TMEM208: variants seen among roughly 807,000 people sequenced by gnomAD.
TMEM208 encodes transmembrane protein 208.
In TMEM208, 19 loss-of-function variants were observed where a neutral mutation model predicts 26.4. That is an observed-to-expected ratio of 0.72 (90% CI 0.50 to 1.06). TMEM208 has a LOEUF of 1.06. TMEM208 is among the 50% of genes least tolerant of loss of function. The pLI is 0.00. For missense variants in TMEM208, 183 were observed against 219.8 expected, an observed-to-expected ratio of 0.83 and a Z score of 1.06; for synonymous variants, 93 against 83.1, an observed-to-expected ratio of 1.12 and a Z score of -0.65.
chr16:67,228,431 T>C lies in TMEM208; in HGVS notation c.162+17T>C, dbSNP rs576582330. 6.2e-7 allele frequency: 1 copy of C among 1,613,998 alleles called. No homozygotes were observed. The highest frequency in any genetic ancestry group is 2.2e-5 in the East Asian group (1 of 44,882). The stretch of plus-strand genomic sequence containing the variant: ...TGGGCCTGGGTAAGTATCTCCATCC[T>C]GGGAGGTGGATGAGTGCGTAGGGTC... On this transcript the variant is annotated intron_variant, in intron 3 of 5. Coordinates refer to ENST00000304800, the MANE Select transcript of TMEM208 (RefSeq NM_014187.4).
chr16:67,229,268 C>T lies in TMEM208; in HGVS notation c.*155C>T. ...CTCTATAGGGTCGTTGAATAAATGGCTTAGAATGTGGCTGATGGCTGTGTG... is the reference window on the plus strand; with the variant it reads ...CTCTATAGGGTCGTTGAATAAATGGTTTAGAATGTGGCTGATGGCTGTGTG... On this transcript the variant is annotated 3_prime_UTR_variant, in exon 6 of 6. Coordinates refer to ENST00000304800, the MANE Select transcript of TMEM208 (RefSeq NM_014187.4). 1 of 772,028 alleles carries T rather than the reference C, an allele frequency of 1.3e-6. No homozygotes were observed. Among genetic ancestry groups the T allele is most frequent in the South Asian group, 2.0e-5 (1 of 50,428 alleles). The allele number at this position is 772,028 out of a possible 1,614,324, so 47.8% of individuals were successfully genotyped here.
Position 67,228,990 on chromosome 16 carries a change from C to T in TMEM208, c.399C>T (p.Ala133=), listed in dbSNP as rs1426026035. The change falls in exon 6 of 6, where the codon GCC becomes GCT. Residue 133 remains alanine, a synonymous_variant. Transcript: ENST00000304800. ...WSFWLLAPGR[A]LYLLWVNVLG... is the part of the protein sequence containing the mutation. ...TTCTCTTGTAGGCTCCAGGCCGGGC[C>T]CTTTACCTCCTGTGGGTGAATGTGC... 2.5e-6 allele frequency: 4 copies of T among 1,609,190 alleles called. No individual in the cohort carries two copies. The highest frequency in any genetic ancestry group is 8.5e-7 in the Non-Finnish European group (1 of 1,176,572).
At chr16:67,228,019 A>G (rs2034091505) in intron 2 of TMEM208, 88 bp downstream of exon 2, 2 of 1,097,092 alleles carry the variant, frequency 1.8e-6, no homozygotes, top group South Asian at 1.5e-5. Context: ...TGGTACCCGA[A>G]AAAGCTCTAG....
Position 67,229,211 on chromosome 16 carries a change from A to G in TMEM208, c.*98A>G, listed in dbSNP as rs1192265624. ...GCAATGAGGGTCTAGTCCAGGGGCC[A>G]AAAGCAGTCTGAGGTATTGGGTATA... On this transcript the variant is annotated 3_prime_UTR_variant, in exon 6 of 6. Coordinates refer to ENST00000304800, the MANE Select transcript of TMEM208 (RefSeq NM_014187.4). 7.7e-7 allele frequency: 1 copy of G among 1,303,868 alleles called. No individual in the cohort carries two copies. The highest frequency in any genetic ancestry group is 1.5e-5 in the African/African-American group (1 of 67,310). The allele number at this position is 1,303,868 out of a possible 1,614,324, so 80.8% of individuals were successfully genotyped here. A position where few individuals can be genotyped will look rare whatever the true frequency, so the allele number is the denominator to read the frequency against.
intron 1 of TMEM208, 103 bp from the exon 2 acceptor site, chr16:67,227,733 G>A (rs1296530913): frequency 6.7e-6 from 6 of 896,296 alleles, no homozygotes; most frequent in Admixed American, 2.6e-5. Flanking sequence ...CTGCACTACG[G>A]GGACCTGGCT....
In TMEM208 at chr16:67,228,351, G is replaced by C; in HGVS notation, c.103-4G>C. On this transcript the variant is annotated splice_region_variant and splice_polypyrimidine_tract_variant and intron_variant, in intron 2 of 5. Transcript: ENST00000304800. ...CCCCAACCTGATCCTGTGATTGCTT[G>C]CAGGCCATTTACTGCCTTGTGACGT... 2 of 1,613,992 alleles carry C rather than the reference G, an allele frequency of 1.2e-6. No individual in the cohort carries two copies. The highest frequency in any genetic ancestry group is 1.7e-6 in the Non-Finnish European group (2 of 1,179,888).
chr16:67,229,267 G>T lies in TMEM208; in HGVS notation c.*154G>T. 1.3e-6 allele frequency: 1 copy of T among 778,532 alleles called. No individual in the cohort carries two copies. The allele number at this position is 778,532 out of a possible 1,614,324, so 48.2% of individuals were successfully genotyped here. A position where few individuals can be genotyped will look rare whatever the true frequency, so the allele number is the denominator to read the frequency against. Reference sequence around the variant, plus strand: ...ACTCTATAGGGTCGTTGAATAAATGGCTTAGAATGTGGCTGATGGCTGTGT... The same window carrying T: ...ACTCTATAGGGTCGTTGAATAAATGTCTTAGAATGTGGCTGATGGCTGTGT... On this transcript the variant is annotated 3_prime_UTR_variant, in exon 6 of 6. Coordinates refer to ENST00000304800, the MANE Select transcript of TMEM208 (RefSeq NM_014187.4).
Position 67,228,478 on chromosome 16 carries a change from T to A in TMEM208, c.163-17T>A, listed in dbSNP as rs1412429445. ...GGTCAGTGGCTGGCCTTTGATACCC[T>A]CATTCTTGCTCTGCAGTTGGCCCTG... On this transcript the variant is annotated splice_polypyrimidine_tract_variant and intron_variant, in intron 3 of 5. Transcript: ENST00000304800. 2 of 1,613,934 alleles carry A rather than the reference T, an allele frequency of 1.2e-6. No individual in the cohort carries two copies. The highest frequency in any genetic ancestry group is 1.1e-5 in the South Asian group (1 of 91,088).
rs763714346 is a variant in TMEM208 at position 67,227,920 on chromosome 16, C to A, written c.91C>A (p.Leu31Met). Residue 31 changes from leucine (L) to methionine (M), a missense_variant, in exon 2 of 6, where the codon CTG (leucine) becomes ATG (methionine). Coordinates refer to ENST00000304800, the MANE Select transcript of TMEM208 (RefSeq NM_014187.4). Reference sequence around the variant, plus strand: ...TCTGAAGTTCTACCTGCGGATCATACTGGGGGCCAATGTAAGTGCCTACCT... The same window carrying A: ...TCTGAAGTTCTACCTGCGGATCATAATGGGGGCCAATGTAAGTGCCTACCT... Reference protein sequence around the residue: ...ETLKFYLRIILGANAIYCLVT... With the variant: ...ETLKFYLRIIMGANAIYCLVT... 6.2e-7 allele frequency: 1 copy of A among 1,609,118 alleles called. No individual in the cohort carries two copies. Among genetic ancestry groups the A allele is most frequent in the Non-Finnish European group, 8.5e-7 (1 of 1,177,558 alleles).
At chr16:67,227,289 A>G (rs1466899202) in intron 1 of TMEM208, 65 bp downstream of exon 1, 1 of 1,580,020 alleles carries the variant, frequency 6.3e-7, no homozygotes, top group African/African-American at 1.4e-5. Flanking sequence ...GAGAGTGAAA[A>G]CTGAGAAAGA....
At chr16:67,227,345 C>A in intron 1 of TMEM208, 121 bp downstream of exon 1, 1 of 1,398,340 alleles carries the variant, frequency 7.2e-7, no homozygotes. Context: ...CCATCCCTGG[C>A]CAGACCGTGC....
intron 2 of TMEM208, 186 bp from the exon 3 acceptor site, chr16:67,228,169 C>G: frequency 1.4e-6 from 1 of 703,230 alleles, no homozygotes; most frequent in Non-Finnish European, 2.4e-6. Flanking sequence ...AGGCTTCTTT[C>G]CTGGGCTGAG....
Position 67,228,529 on chromosome 16 carries a change from C to CTGG in TMEM208, c.197_198insTGG (p.Ala66_Ser67insGly). 1 of 1,612,696 alleles carries CTGG rather than the reference C, an allele frequency of 6.2e-7. No homozygotes were observed. The highest frequency in any genetic ancestry group is 1.1e-5 in the South Asian group (1 of 91,032). On this transcript the variant is annotated inframe_insertion, in exon 4 of 6. Coordinates refer to ENST00000304800, the MANE Select transcript of TMEM208 (RefSeq NM_014187.4). ...GGCTTTAGTCTGGCAGTGTATGGGG[C>CTGG]CAGCTACCACTCTATGAGCTCGATG...
Position 67,227,204 on chromosome 16 carries a change from T to C in TMEM208, c.-15T>C. On this transcript the variant is annotated 5_prime_UTR_variant, in exon 1 of 6. Coordinates refer to ENST00000304800, the MANE Select transcript of TMEM208 (RefSeq NM_014187.4). Reference sequence around the variant, plus strand: ...GCTCTCCCGTGTTTCCCGGGCTGGGTATTTGCCTCGCACCATGGCGGTAAG... The same window carrying C: ...GCTCTCCCGTGTTTCCCGGGCTGGGCATTTGCCTCGCACCATGGCGGTAAG... 1.2e-6 allele frequency: 2 copies of C among 1,611,802 alleles called. No individual in the cohort carries two copies. The highest frequency in any genetic ancestry group is 1.7e-6 in the Non-Finnish European group (2 of 1,178,556).
At chr16:67,227,973 G>T in intron 2 of TMEM208, 42 bp downstream of exon 2, 1 of 1,502,456 alleles carries the variant, frequency 6.7e-7, no homozygotes, top group Non-Finnish European at 9.1e-7. Context: ...CTTATAGTCA[G>T]TTCCCTAGTC....
intron 4 of TMEM208, 26 bp from the exon 5 acceptor site, chr16:67,228,771 C>T (rs754809548): frequency 1.9e-6 from 3 of 1,604,010 alleles, no homozygotes; most frequent in Admixed American, 1.7e-5. Context: ...CATATGCTGT[C>T]TTTCCAGCTT....
chr16:67,228,776 C>CAG (rs1388860782), intron 4 of TMEM208, 21 bp from the exon 5 acceptor site: 23 of 1,604,950 alleles, frequency 1.4e-5, no homozygotes, highest in Non-Finnish European at 1.9e-5. Flanking sequence ...GCTGTCTTTC[C>CAG]AGCTTTATTT....
At chr16:67,227,971 C>A in intron 2 of TMEM208, 40 bp downstream of exon 2, 1 of 1,514,194 alleles carries the variant, frequency 6.6e-7, no homozygotes, top group Non-Finnish European at 9.0e-7. Flanking sequence ...CACTTATAGT[C>A]AGTTCCCTAG....
In TMEM208 at chr16:67,228,351, G is replaced by T; in HGVS notation, c.103-4G>T. 6.2e-7 allele frequency: 1 copy of T among 1,613,992 alleles called. No homozygotes were observed. Among genetic ancestry groups the T allele is most frequent in the African/African-American group, 1.3e-5 (1 of 75,040 alleles). On this transcript the variant is annotated splice_region_variant and splice_polypyrimidine_tract_variant and intron_variant, in intron 2 of 5. Transcript: ENST00000304800. ...CCCCAACCTGATCCTGTGATTGCTTGCAGGCCATTTACTGCCTTGTGACGT... is the reference window on the plus strand; with the variant it reads ...CCCCAACCTGATCCTGTGATTGCTTTCAGGCCATTTACTGCCTTGTGACGT...
Sources: allele counts gnomAD v4.1 joint callset, GRCh38; gene constraint gnomAD v4.1.1; transcripts MANE v1.5; gene names NCBI Gene and HGNC (gene_info 2026-07-23, HGNC 2026-07-21).